The following MYH10 variants were observed in gnomAD, a reference collection of about 807,000 sequenced individuals.
The protein encoded by MYH10 is myosin-10.
A neutral mutation model predicts 257.8 loss-of-function variants in MYH10; 55 were observed. That is an observed-to-expected ratio of 0.21 (90% CI 0.17 to 0.27). The LOEUF is 0.27. Among genes scored for constraint, MYH10 ranks in the 10% least tolerant of loss-of-function variants. MYH10 has a pLI of 1.00. For synonymous variants in MYH10, 854 were observed against 921.7 expected, an observed-to-expected ratio of 0.93 and a Z score of 1.33; for missense variants, 1,631 against 2,500.6, an observed-to-expected ratio of 0.65 and a Z score of 7.42.
At chr17:8,583,758 T>G (rs1022358209) in intron 4 of MYH10, among the ~76,000 whole-genome samples, 3 of 152,254 alleles carry the variant, frequency 2.0e-5, no homozygotes, top group Non-Finnish European at 4.4e-5. Flanking sequence ...AATGTAATAT[T>G]TGTATATAAT....
intron 32 of MYH10, 33 bp from the exon 33 acceptor site, chr17:8,493,057 A>C (rs770686769): frequency 1.2e-6 from 2 of 1,603,096 alleles, no homozygotes; most frequent in Non-Finnish European, 1.7e-6. Context: ...CAGAAAGCTC[A>C]GTATTAATGT....
chr17:8,624,348 T>A (rs1417120877), intron 1 of MYH10, among the ~76,000 whole-genome samples: 1 of 152,208 alleles, frequency 6.6e-6, no homozygotes, highest in East Asian at 1.9e-4. Flanking sequence ...CATGATTGCC[T>A]GACAGGATCT....
intron 7 of MYH10, among the ~76,000 whole-genome samples, chr17:8,554,821 C>T (rs1183780108): frequency 1.3e-5 from 2 of 152,138 alleles, no homozygotes; most frequent in Non-Finnish European, 2.9e-5. Flanking sequence ...GGCATGGTGG[C>T]GCATGCCTGT....
At chr17:8,546,217 C>A (rs1175683455) in intron 12 of MYH10, among the ~76,000 whole-genome samples, 2 of 151,912 alleles carry the variant, frequency 1.3e-5, no homozygotes, top group Non-Finnish European at 2.9e-5. Context: ...TGCCATCACG[C>A]CCGGCTAATT....
intron 35 of MYH10, among the ~76,000 whole-genome samples, chr17:8,488,150 AGT>A (rs1915183964): frequency 6.6e-6 from 1 of 152,078 alleles, no homozygotes; most frequent in South Asian, 2.1e-4. Context: ...CAGATGGGAG[AGT>A]GAGGATGAGT....
Position 8,475,580 on chromosome 17 carries a change from C to A in MYH10, c.*224G>T. ...ATGGAAAATAGATGCAATGATGAAACAATCTGTTTAATATATGTGTCCTGT... is the reference window on the plus strand; with the variant it reads ...ATGGAAAATAGATGCAATGATGAAAAAATCTGTTTAATATATGTGTCCTGT... On this transcript the variant is annotated 3_prime_UTR_variant, in exon 43 of 43. Coordinates refer to ENST00000360416, the MANE Select transcript of MYH10 (RefSeq NM_001256012.3). The A allele has an allele frequency of 2.1e-6, 1 of 481,078 alleles. No individual in the cohort carries two copies. Among genetic ancestry groups the A allele is most frequent in the Non-Finnish European group, 3.6e-6 (1 of 274,378 alleles). 29.8% of individuals were successfully genotyped at this position (481,078 alleles called of 1,614,324 possible).
intron 33 of MYH10, 122 bp from the exon 34 acceptor site, chr17:8,492,631 CTTTT>C (rs74648985): frequency 5.6e-3 from 5,195 of 934,492 alleles, no homozygotes; most frequent in Middle Eastern, 6.0e-3. Flanking sequence ...CTTGTATTTC[CTTTT>C]TTTTTTTTTT....
chr17:8,504,813 G>A lies in MYH10; in HGVS notation c.3480C>T (p.Ser1160=), dbSNP rs2291718. 2,491 of 1,614,116 alleles carry A rather than the reference G, an allele frequency of 1.5e-3. 62 individuals carry two copies. The East Asian group carries it at 0.047, about 31-fold the overall frequency. ...CGGCCTTGTTCCGTGAAGCCTTCTC[G>A]GATTCAAAGTCTTCCTGAAGTTCAG... ...QIAELQEDFE[S]EKASRNKAEK... Residue 1160 remains serine (S), a synonymous_variant, in exon 28 of 43, where the codon TCC becomes TCT. Coordinates refer to ENST00000360416, the MANE Select transcript of MYH10 (RefSeq NM_001256012.3). The surrounding 1 kb of genome is among the most constrained non-coding windows in gnomAD (Gnocchi z 5.6).
chr17:8,602,873 C>CAA (rs1170454004), intron 3 of MYH10, among the ~76,000 whole-genome samples: 2 of 152,148 alleles, frequency 1.3e-5, no homozygotes, highest in African/African-American at 4.8e-5. Context: ...AAATAAGACA[C>CAA]AAAGCCTTTA....
In MYH10 at chr17:8,475,600, T is replaced by A; in HGVS notation, c.*204A>T. On this transcript the variant is annotated 3_prime_UTR_variant, in exon 43 of 43. Transcript: ENST00000360416. ...TGAAACAATCTGTTTAATATATGTGTCCTGTGTGTGTCTATATATAAAAAG... is the reference window on the plus strand; with the variant it reads ...TGAAACAATCTGTTTAATATATGTGACCTGTGTGTGTCTATATATAAAAAG... The A allele has an allele frequency of 1.7e-6, 1 of 576,396 alleles. No individual in the cohort carries two copies. Among genetic ancestry groups the A allele is most frequent in the Non-Finnish European group, 3.1e-6 (1 of 327,514 alleles). The allele number at this position is 576,396 out of a possible 1,614,324, so 35.7% of individuals were successfully genotyped here. A position where few individuals can be genotyped will look rare whatever the true frequency, so the allele number is the denominator to read the frequency against.
chr17:8,487,647 A>G, intron 35 of MYH10, 53 bp from the exon 36 acceptor site: 2 of 1,607,684 alleles, frequency 1.2e-6, no homozygotes, highest in Non-Finnish European at 1.7e-6. Flanking sequence ...CTGCTCGCAG[A>G]ACAGGCAGAC....
rs546169604 is a variant in MYH10, at chr17:8,496,179, C to T, written c.3952-938G>A. On this transcript the variant is annotated intron_variant, in intron 30 of 42. Transcript: ENST00000360416. ...GTATAAGATGCTTTATAATTTTTGACGACAGTGGGTGCTGGGAAGACGCAG... is the reference window on the plus strand; with the variant it reads ...GTATAAGATGCTTTATAATTTTTGATGACAGTGGGTGCTGGGAAGACGCAG... Among the ~76,000 whole-genome samples, 6 of 152,230 alleles carry T rather than the reference C, an allele frequency of 3.9e-5. No homozygotes were observed. In the South Asian group the frequency reaches 6.2e-4, roughly 16 times the overall value.
In MYH10 at chr17:8,622,970, A is replaced by G. The variant is rs184086916; in HGVS notation, c.277T>C (p.Leu93=). ...KFSKVEDMAE[L]TCLNEASVLH... ...ACGGAAGCTTCATTCAAGCATGTCA[A>G]TTCTGCCATATCCTCCACCTTGGAA... The change falls in exon 2 of 43, where the codon TTG becomes CTG. Residue 93 remains leucine, a synonymous_variant. Transcript: ENST00000360416. 37 of 1,614,202 alleles carry G rather than the reference A, an allele frequency of 2.3e-5. No homozygotes were observed. The African/African-American group carries it at 4.4e-4, about 19-fold the overall frequency.
chr17:8,533,406 T>C (rs944574861), intron 16 of MYH10, among the ~76,000 whole-genome samples: 3 of 152,172 alleles, frequency 2.0e-5, no homozygotes, highest in African/African-American at 4.8e-5. Flanking sequence ...TCCTGAGCTA[T>C]GATTTTCCAC....
chr17:8,514,760 T>G (rs1416610073), intron 21 of MYH10, among the ~76,000 whole-genome samples: 1 of 152,150 alleles, frequency 6.6e-6, no homozygotes, highest in Non-Finnish European at 1.5e-5. Context: ...TATTACTGAC[T>G]TCCTGGCTTC....
rs58352961 is a variant in MYH10, at chr17:8,518,104, CGTGTGTGT to C, written c.2504+519_2504+526del. On this transcript the variant is annotated intron_variant, in intron 21 of 42. Coordinates refer to ENST00000360416, the MANE Select transcript of MYH10 (RefSeq NM_001256012.3). ...GGCAGGACCCCATACCCCTTGGCCCCGTGTGTGTGTGTGTGTGTGTGTGTGTGTGTGTG... is the reference window on the plus strand; with the variant it reads ...GGCAGGACCCCATACCCCTTGGCCCCGTGTGTGTGTGTGTGTGTGTGTGTG... Among the ~76,000 whole-genome samples the C allele has an allele frequency of 8.0e-3, 930 of 116,562 alleles. 7 individuals are homozygous for C. The highest frequency in any genetic ancestry group is 0.024 in the African/African-American group (694 of 29,224). The allele number at this position is 116,562 out of a possible 152,430, so 76.5% of individuals were successfully genotyped here.
At chr17:8,513,714 CTT>C (rs754580600) in intron 22 of MYH10, 45 bp from the exon 23 acceptor site, 49 of 1,607,336 alleles carry the variant, frequency 3.0e-5, no homozygotes, top group Middle Eastern at 3.3e-4. Flanking sequence ...CATTCCAGCT[CTT>C]TCCTATGGGT....
chr17:8,608,659 A>G (rs1029902575), intron 2 of MYH10, among the ~76,000 whole-genome samples: 1 of 152,240 alleles, frequency 6.6e-6, no homozygotes, highest in Non-Finnish European at 1.5e-5. Context: ...ACACTACTGT[A>G]TACTTTACCT....
At chr17:8,601,108 G>T (rs530884788) in intron 3 of MYH10, among the ~76,000 whole-genome samples, 3 of 152,208 alleles carry the variant, frequency 2.0e-5, no homozygotes, top group Middle Eastern at 3.2e-3. Flanking sequence ...GCCCCTGCAG[G>T]TATTGTTACA....
Sources: gnomAD v4.1 joint callset for allele counts (sites outside exome capture counted in the v4.1 genomes callset) on GRCh38, gnomAD v4.1.1 for gene constraint, Gnocchi (gnomAD v3.1) non-coding constraint, MANE v1.5 for transcripts, NCBI Gene and HGNC (gene_info 2026-07-23, HGNC 2026-07-21) for gene names.